The following ZNF248 variants were observed in gnomAD, a reference collection of about 807,000 sequenced individuals.
The protein encoded by ZNF248 is zinc finger protein 248, also known as KRAB protein domain.
Under a neutral mutation model 44.3 loss-of-function variants are expected in ZNF248, and 20 were observed. That is an observed-to-expected ratio of 0.45 (90% CI 0.32 to 0.66). The LOEUF (loss-of-function observed/expected upper bound fraction) is 0.66, where lower values mean the gene tolerates loss of function less well. Ranked by LOEUF, ZNF248 falls within the 30% of genes least tolerant of loss-of-function variation. The pLI, the probability that ZNF248 is intolerant of heterozygous loss-of-function variation, is 0.04. For missense variants in ZNF248, 654 were observed against 677.0 expected (o/e 0.97, Z 0.38); for synonymous variants, 224 against 229.0 (o/e 0.98, Z 0.20).
At chr10:37,817,857 A>G (rs1473401499) in intron 6 of ZNF248, among the ~76,000 whole-genome samples, 1 of 152,136 alleles carries the variant, frequency 6.6e-6, no homozygotes, top group Non-Finnish European at 1.5e-5. Context: ...TTAAAAGAAC[A>G]AGTCTAAATA....
At chr10:37,848,344 G>A (rs1214143377) in intron 3 of ZNF248, among the ~76,000 whole-genome samples, 1 of 152,134 alleles carries the variant, frequency 6.6e-6, no homozygotes, top group African/African-American at 2.4e-5. Flanking sequence ...AGCACTTTGA[G>A]AGGCTGAGAT....
At chr10:37,779,646 T>C (rs1222189231) in intron 6 of ZNF248, among the ~76,000 whole-genome samples, 2 of 151,910 alleles carry the variant, frequency 1.3e-5, no homozygotes, top group Non-Finnish European at 2.9e-5. Flanking sequence ...TTCAACATAG[T>C]GGTGGAAGTT....
intron 3 of ZNF248, among the ~76,000 whole-genome samples, chr10:37,841,335 T>C (rs1319954128): frequency 6.6e-6 from 1 of 152,180 alleles, no homozygotes; most frequent in Non-Finnish European, 1.5e-5. Context: ...TGACTAAAAG[T>C]ATTTATTTTA....
At chr10:37,827,287 G>C (rs1007059230), downstream of ZNF248, among the ~76,000 whole-genome samples, 7 of 152,318 alleles carry the variant, frequency 4.6e-5, no homozygotes, top group Admixed American at 3.3e-4. Context: ...ATCAGTAAAG[G>C]GAGAATTTTT....
chr10:37,841,095 T>G (rs1395200908), intron 3 of ZNF248, among the ~76,000 whole-genome samples: 1 of 152,216 alleles, frequency 6.6e-6, no homozygotes, highest in Non-Finnish European at 1.5e-5. Context: ...GTGTCATAGA[T>G]GAAAAGGCAT....
intron 6 of ZNF248, chr10:37,819,016 T>C (rs1298697889): frequency 8.1e-6 from 7 of 860,066 alleles, no homozygotes; most frequent in Non-Finnish European, 1.4e-5. Flanking sequence ...CAGCACCTTG[T>C]GATGTCAGCT....
chr10:37,767,532 T>G, the ZNF248 span, among the ~76,000 whole-genome samples: 1 of 152,124 alleles, frequency 6.6e-6, no homozygotes, highest in Non-Finnish European at 1.5e-5. Context: ...CTAAGCTTCA[T>G]AAGTGAAGGA....
chr10:37,813,793 GC>G (rs1339289179), intron 6 of ZNF248, among the ~76,000 whole-genome samples: 2 of 152,090 alleles, frequency 1.3e-5, no homozygotes, highest in East Asian at 3.9e-4. Flanking sequence ...GGGGGTCAGT[GC>G]CCCTAACCCA....
chr10:37,770,976 C>T, the ZNF248 span, among the ~76,000 whole-genome samples: 33 of 152,236 alleles, frequency 2.2e-4, no homozygotes, highest in African/African-American at 7.7e-4. Flanking sequence ...TGAACAAACA[C>T]TTTTCAAAAG....
chr10:37,785,681 G>A (rs2047803068), intron 6 of ZNF248, among the ~76,000 whole-genome samples: 1 of 152,098 alleles, frequency 6.6e-6, no homozygotes, highest in Non-Finnish European at 1.5e-5. Flanking sequence ...GTCTTCCATG[G>A]CCACTAAAAT....
chr10:37,830,493 A>G lies in ZNF248; in HGVS notation c.*1122T>C, dbSNP rs560751506. 1.0e-6 allele frequency: 1 copy of G among 985,376 alleles called. No homozygotes were observed. The highest frequency in any genetic ancestry group is 4.7e-5 in the South Asian group (1 of 21,284). 61.0% of individuals were successfully genotyped at this position (985,376 alleles called of 1,614,324 possible). On this transcript the variant is annotated 3_prime_UTR_variant, in exon 6 of 6. Transcript: ENST00000395867. ...AGGTAGTTAAAAACCTCACGGAAAT[A>G]TTTTTGGCTTCTTTCTTGAAGACGT...
downstream of ZNF248, among the ~76,000 whole-genome samples, chr10:37,772,600 G>A (rs2046302785): frequency 6.6e-6 from 1 of 152,172 alleles, no homozygotes; most frequent in Non-Finnish European, 1.5e-5. Context: ...ATCAACCAGA[G>A]AGAAAAAGAT....
downstream of ZNF248, among the ~76,000 whole-genome samples, chr10:37,772,750 T>C (rs2046311142): frequency 6.6e-6 from 1 of 152,226 alleles, no homozygotes; most frequent in African/African-American, 2.4e-5. Flanking sequence ...AATTTATTCC[T>C]GTTCATCTTT....
chr10:37,819,551 A>G (rs1148275), intron 6 of ZNF248: 87,433 of 954,394 alleles, frequency 0.092, 5,061 homozygotes, highest in Non-Finnish European at 0.12. Context: ...GTCATTTAGC[A>G]TTGGATGATC....
the ZNF248 span, among the ~76,000 whole-genome samples, chr10:37,770,748 C>T: frequency 1.3e-5 from 2 of 152,110 alleles, no homozygotes; most frequent in African/African-American, 4.8e-5. Flanking sequence ...AAAGCAATGG[C>T]AACAAAAGAC....
At chr10:37,776,649 CTCTGAAGGCACTGACTA>C (rs1437028084) in intron 6 of ZNF248, 1 of 394,752 alleles carries the variant, frequency 2.5e-6, no homozygotes, top group Non-Finnish European at 4.5e-6. Flanking sequence ...CTTGTCTAAA[CTCTGAAGGCACTGACTA>C]TGCTGAAGGT....
chr10:37,770,101 C>T, the ZNF248 span, among the ~76,000 whole-genome samples: 3 of 152,116 alleles, frequency 2.0e-5, no homozygotes, highest in Non-Finnish European at 4.4e-5. Flanking sequence ...GAACTACAAA[C>T]CACTGCTCAA....
chr10:37,807,785 T>A (rs2050800500), intron 6 of ZNF248, among the ~76,000 whole-genome samples: 1 of 152,204 alleles, frequency 6.6e-6, no homozygotes, highest in African/African-American at 2.4e-5. Flanking sequence ...ATTCTAACCA[T>A]TTTTAGTGGA....
At chr10:37,776,471 A>G (rs147176803), downstream of ZNF248, 168 of 397,724 alleles carry the variant, frequency 4.2e-4, no homozygotes, top group African/African-American at 3.2e-3. Flanking sequence ...TTGGGCTGAC[A>G]ACGTTCAGGT....
Sources: allele counts gnomAD v4.1 joint callset (sites outside exome capture counted in the v4.1 genomes callset), GRCh38; gene constraint gnomAD v4.1.1; transcripts MANE v1.5; gene names NCBI Gene and HGNC (gene_info 2026-07-23, HGNC 2026-07-21).